Variants in TANC2 observed in about 807,000 individuals in gnomAD.
The protein encoded by TANC2 is tetratricopeptide repeat, ankyrin repeat and coiled-coil containing 2.
Under a neutral mutation model 210.5 loss-of-function variants are expected in TANC2, and 26 were observed. That is an observed-to-expected ratio of 0.12 (90% CI 0.09 to 0.17). TANC2 has a LOEUF of 0.17. Ranked by LOEUF, TANC2 falls within the 10% of genes least tolerant of loss-of-function variation. The probability of loss-of-function intolerance (pLI) is 1.00; values close to 1 mark genes in which losing one functional copy is unlikely to be tolerated. For missense variants in TANC2, 2,129 were observed against 2,608.9 expected (o/e 0.82, Z 4.01); for synonymous variants, 931 against 967.1 (o/e 0.96, Z 0.69).
intron 2 of TANC2, among the ~76,000 whole-genome samples, chr17:63,023,135 T>G (rs2034417869): frequency 6.6e-6 from 1 of 152,184 alleles, no homozygotes; most frequent in Non-Finnish European, 1.5e-5. Context: ...GACTTGGAAG[T>G]GGGGCTGCTG....
At chr17:63,405,099 C>T in intron 19 of TANC2, 23 bp from the exon 20 acceptor site, 1 of 1,593,584 alleles carries the variant, frequency 6.3e-7, no homozygotes, top group Non-Finnish European at 8.6e-7. Context: ...CACCTATCCT[C>T]AATCTTTGTT....
At chr17:63,024,893 A>C (rs565115203) in intron 2 of TANC2, among the ~76,000 whole-genome samples, 1 of 152,288 alleles carries the variant, frequency 6.6e-6, no homozygotes, top group East Asian at 1.9e-4. Context: ...CTTTTCTTTG[A>C]AGTAGTGACT....
intron 3 of TANC2, among the ~76,000 whole-genome samples, chr17:63,096,028 G>A (rs891346834): frequency 2.0e-5 from 3 of 152,000 alleles, no homozygotes; most frequent in East Asian, 1.9e-4. Context: ...TATTGCTTTC[G>A]AAATACTAAG....
chr17:63,164,987 G>C (rs1013093386), intron 5 of TANC2, among the ~76,000 whole-genome samples: 1 of 152,084 alleles, frequency 6.6e-6, no homozygotes, highest in African/African-American at 2.4e-5. Flanking sequence ...TTAACCATCA[G>C]AATGCACTGT....
chr17:63,361,281 A>G (rs529721134), intron 14 of TANC2, among the ~76,000 whole-genome samples: 1 of 152,176 alleles, frequency 6.6e-6, no homozygotes, highest in African/African-American at 2.4e-5. Context: ...ACCCTTTGGG[A>G]TCGTTCTGCC....
intron 9 of TANC2, among the ~76,000 whole-genome samples, chr17:63,285,893 C>T (rs540527904): frequency 4.6e-5 from 7 of 152,168 alleles, no homozygotes; most frequent in Middle Eastern, 3.4e-3. Flanking sequence ...TACAATGAGC[C>T]GTTCTTACCA....
chr17:62,980,879 C>T (rs1222919302), intron 1 of TANC2, among the ~76,000 whole-genome samples: 3 of 152,166 alleles, frequency 2.0e-5, no homozygotes, highest in Non-Finnish European at 4.4e-5. Context: ...ATCCTCATTT[C>T]CTTTTCCAAC....
At chr17:63,219,676 G>T (rs573849459) in intron 7 of TANC2, among the ~76,000 whole-genome samples, 2 of 152,092 alleles carry the variant, frequency 1.3e-5, no homozygotes, top group Non-Finnish European at 2.9e-5. Context: ...CTCCCAAAGT[G>T]CTGGGATTAC....
intron 3 of TANC2, among the ~76,000 whole-genome samples, chr17:63,098,515 G>GTATATATATATATATA (rs373665673): frequency 1.6e-5 from 2 of 126,754 alleles, no homozygotes; most frequent in African/African-American, 2.9e-5. Flanking sequence ...CTCTCTGTGT[G>GTATATATATATATATA]TATATATATA....
intron 4 of TANC2, among the ~76,000 whole-genome samples, chr17:63,120,060 A>G (rs1307440672): frequency 1.3e-5 from 2 of 152,096 alleles, no homozygotes; most frequent in African/African-American, 4.8e-5. Flanking sequence ...CATAAAAAAA[A>G]AAAAAATTAA....
At chr17:63,370,238 G>A (rs1413765176) in intron 14 of TANC2, among the ~76,000 whole-genome samples, 1 of 148,560 alleles carries the variant, frequency 6.7e-6, no homozygotes, top group Non-Finnish European at 1.5e-5. Flanking sequence ...GAATGCAGTG[G>A]TGCAATCTCG....
chr17:63,062,557 T>C (rs191495196), intron 2 of TANC2, among the ~76,000 whole-genome samples: 1 of 152,162 alleles, frequency 6.6e-6, no homozygotes, highest in African/African-American at 2.4e-5. Flanking sequence ...CATTGTCAGC[T>C]GGTGTTATCA....
chr17:63,364,349 C>A (rs1477353530), intron 14 of TANC2, among the ~76,000 whole-genome samples: 1 of 152,066 alleles, frequency 6.6e-6, no homozygotes, highest in Non-Finnish European at 1.5e-5. Flanking sequence ...GCCACAGCAA[C>A]ATTTTTTTTT....
chr17:63,269,598 T>C (rs1463484708), intron 9 of TANC2, among the ~76,000 whole-genome samples: 1 of 152,184 alleles, frequency 6.6e-6, no homozygotes. Flanking sequence ...TTATACTACA[T>C]AGAAAACAAA....
At chr17:63,145,594 G>A (rs552383199) in intron 4 of TANC2, among the ~76,000 whole-genome samples, 2 of 151,986 alleles carry the variant, frequency 1.3e-5, no homozygotes, top group South Asian at 2.1e-4. Context: ...TTTATATGAC[G>A]TAAGATAAGG....
intron 9 of TANC2, among the ~76,000 whole-genome samples, chr17:63,312,418 A>G (rs972434419): frequency 6.6e-6 from 1 of 152,220 alleles, no homozygotes; most frequent in Non-Finnish European, 1.5e-5. Context: ...TTGCAGGATC[A>G]TGGATGCAGC....
At chr17:63,277,269 C>T (rs1316831286) in intron 9 of TANC2, among the ~76,000 whole-genome samples, 6 of 151,102 alleles carry the variant, frequency 4.0e-5, no homozygotes, top group African/African-American at 1.5e-4. Flanking sequence ...CTGGTCTTTC[C>T]ATCTTCTTCT....
intron 2 of TANC2, among the ~76,000 whole-genome samples, chr17:63,058,653 T>A (rs1230333469): frequency 6.6e-6 from 1 of 152,190 alleles, no homozygotes; most frequent in Admixed American, 6.5e-5. Flanking sequence ...TAGCCACTTA[T>A]CTCAGCACCA....
At chr17:63,222,128 C>T (rs777550681) in intron 7 of TANC2, among the ~76,000 whole-genome samples, 4 of 152,288 alleles carry the variant, frequency 2.6e-5, no homozygotes, top group Middle Eastern at 6.8e-3. Flanking sequence ...CTTCCTGTTT[C>T]GTAGACAGCA....
Sources: allele counts gnomAD v4.1 joint callset (sites outside exome capture counted in the v4.1 genomes callset), GRCh38; gene constraint gnomAD v4.1.1; transcripts MANE v1.5; gene names NCBI Gene and HGNC (gene_info 2026-07-23, HGNC 2026-07-21).